Variants in DMD observed in about 807,000 individuals in gnomAD.
DMD encodes the protein dystrophin, also known as mutant dystrophin.
DMD carries 63 observed loss-of-function variants against 330.1 expected under a neutral mutation model. The observed-to-expected ratio is 0.19, with a 90% CI of 0.16 to 0.24. The LOEUF (loss-of-function observed/expected upper bound fraction) is 0.24, where lower values mean the gene tolerates loss of function less well. Among genes scored for constraint, DMD ranks in the 10% least tolerant of loss-of-function variants. DMD has a pLI of 1.00. For missense variants in DMD, 3,344 were observed against 2,684.1 expected (o/e 1.25, Z -5.43); for synonymous variants, 1,223 against 959.8 (o/e 1.27, Z -5.07).
At chrX:33,268,839 A>G (rs995593792) in intron 1 of DMD, among the ~76,000 whole-genome samples, 9 of 106,838 alleles carry the variant, frequency 8.4e-5, no homozygotes, top group Non-Finnish European at 1.7e-4. Context: ...CAGCATGAGA[A>G]TCATTTGAAC....
At chrX:32,583,430 C>T (rs1312894576) in intron 13 of DMD, among the ~76,000 whole-genome samples, 1 of 111,280 alleles carries the variant, frequency 9.0e-6, no homozygotes, top group Non-Finnish European at 1.9e-5. Context: ...ACCAGGGAGG[C>T]GGATGTTGCA....
intron 13 of DMD, among the ~76,000 whole-genome samples, chrX:32,581,687 G>A (rs1260346364): frequency 8.1e-5 from 9 of 111,516 alleles, no homozygotes; most frequent in Admixed American, 5.7e-4. Flanking sequence ...TTTCCCATTT[G>A]CAAATTCCAG....
At chrX:32,252,781 T>C (rs867536950) in intron 43 of DMD, among the ~76,000 whole-genome samples, 2 of 55,942 alleles carry the variant, frequency 3.6e-5, no homozygotes, top group Non-Finnish European at 5.8e-5. Context: ...TAAATATATA[T>C]AAATATATAT....
rs145883742 is a variant in DMD at position 33,011,874 on chromosome X, T to G, written c.93+8265A>C. Among the ~76,000 whole-genome samples the G allele has an allele frequency of 4.3e-3, 479 of 111,842 alleles. 12 individuals carry two copies. The East Asian group carries it at 0.05, about 12-fold the overall frequency. On this transcript the variant is annotated intron_variant, in intron 2 of 78. Coordinates refer to ENST00000357033, the MANE Select transcript of DMD (RefSeq NM_004006.3). ...CCCATCAGCCATAAAGAATTGGTTTTTTTGCTAGCAACTATCATGCTAATT... is the reference window on the plus strand; with the variant it reads ...CCCATCAGCCATAAAGAATTGGTTTGTTTGCTAGCAACTATCATGCTAATT...
At chrX:31,434,065 C>T (rs185007303) in intron 60 of DMD, among the ~76,000 whole-genome samples, 1 of 111,291 alleles carries the variant, frequency 9.0e-6, no homozygotes, top group Non-Finnish European at 1.9e-5. Context: ...AACAGACTTT[C>T]ATTAAACAAG....
chrX:31,517,365 T>G (rs2072320233), intron 55 of DMD, among the ~76,000 whole-genome samples: 1 of 111,058 alleles, frequency 9.0e-6, no homozygotes, highest in Non-Finnish European at 1.9e-5. Flanking sequence ...ATGAGGCCGT[T>G]CAAAAGAAAA....
At chrX:32,101,278 T>C (rs2096538389) in intron 44 of DMD, among the ~76,000 whole-genome samples, 1 of 110,948 alleles carries the variant, frequency 9.0e-6, no homozygotes, top group East Asian at 2.8e-4. Context: ...CAGGCCAGAG[T>C]TCAAATACAG....
At chrX:32,935,420 G>A (rs920259653) in intron 2 of DMD, among the ~76,000 whole-genome samples, 1 of 111,862 alleles carries the variant, frequency 8.9e-6, no homozygotes, top group African/African-American at 3.3e-5. Context: ...TGTACTATCT[G>A]GCCCTTTAAG....
At chrX:32,652,006 G>A (rs1275672202) in intron 9 of DMD, among the ~76,000 whole-genome samples, 2 of 111,416 alleles carry the variant, frequency 1.8e-5, no homozygotes, top group African/African-American at 3.3e-5. Context: ...TCACAGAAAT[G>A]CTACATTGTG....
intron 44 of DMD, among the ~76,000 whole-genome samples, chrX:32,138,279 T>C (rs758997997): frequency 3.6e-5 from 4 of 111,101 alleles, no homozygotes; most frequent in Non-Finnish European, 5.7e-5. Flanking sequence ...CTACTTCAAA[T>C]CTCTATAGCA....
intron 54 of DMD, among the ~76,000 whole-genome samples, chrX:31,634,620 G>A (rs758498495): frequency 3.9e-4 from 43 of 111,189 alleles, no homozygotes; most frequent in African/African-American, 1.4e-3. Context: ...TATCAATCAC[G>A]TAAGGAATTT....
chrX:33,337,742 T>A (rs1047558962), intron 1 of DMD, among the ~76,000 whole-genome samples: 1 of 112,012 alleles, frequency 8.9e-6, no homozygotes, highest in East Asian at 2.8e-4. Context: ...GCTAATTAAT[T>A]TACTGATATT....
chrX:31,812,073 A>G (rs1284078821), intron 50 of DMD, among the ~76,000 whole-genome samples: 1 of 110,573 alleles, frequency 9.0e-6, no homozygotes, highest in Non-Finnish European at 1.9e-5. Context: ...AGCCAACAAA[A>G]GTAGTATGAC....
intron 2 of DMD, among the ~76,000 whole-genome samples, chrX:32,996,167 T>A (rs745965379): frequency 8.9e-6 from 1 of 111,762 alleles, no homozygotes; most frequent in South Asian, 3.7e-4. Context: ...AGACAAAGTA[T>A]CATTTTGACG....
intron 33 of DMD, among the ~76,000 whole-genome samples, chrX:32,381,100 G>T (rs1474097396): frequency 1.8e-5 from 2 of 111,421 alleles, no homozygotes; most frequent in Non-Finnish European, 3.8e-5. Flanking sequence ...ATGCTGGTAA[G>T]GAATCAAAAT....
At chrX:31,584,898 C>T (rs186110571) in intron 55 of DMD, among the ~76,000 whole-genome samples, 22 of 111,157 alleles carry the variant, frequency 2.0e-4, no homozygotes, top group Admixed American at 1.5e-3. Flanking sequence ...TCAGAGGAGA[C>T]GGAATTTAGA....
chrX:33,010,011 T>C (rs1274862019), intron 2 of DMD, among the ~76,000 whole-genome samples: 2 of 84,873 alleles, frequency 2.4e-5, no homozygotes, highest in African/African-American at 8.0e-5. Flanking sequence ...TGTATGTGTA[T>C]ATACACATAT....
At chrX:33,080,073 A>G (rs1468606665) in intron 1 of DMD, among the ~76,000 whole-genome samples, 1 of 112,518 alleles carries the variant, frequency 8.9e-6, no homozygotes, top group East Asian at 2.8e-4. Flanking sequence ...TCCAGTTTTA[A>G]TTAGTTTGAC....
chrX:33,196,895 G>A (rs1240370450), intron 1 of DMD, among the ~76,000 whole-genome samples: 1 of 111,014 alleles, frequency 9.0e-6, no homozygotes, highest in Non-Finnish European at 1.9e-5. Flanking sequence ...TAAAACCCAG[G>A]TAGTCTCAGG....
Sources: allele counts gnomAD v4.1 joint callset (sites outside exome capture counted in the v4.1 genomes callset), GRCh38; gene constraint gnomAD v4.1.1; transcripts MANE v1.5; gene names NCBI Gene and HGNC (gene_info 2026-07-23, HGNC 2026-07-21).